Variants in PRDX4 observed in about 807,000 individuals in gnomAD.
The protein encoded by PRDX4 is peroxiredoxin 4, also known as peroxiredoxin-4.
In PRDX4, 12 loss-of-function variants were observed where a neutral mutation model predicts 20.5. The observed-to-expected ratio is 0.58, with a 90% CI of 0.37 to 0.95. PRDX4 has a LOEUF of 0.95. PRDX4 is among the 40% of genes least tolerant of loss of function. The probability of loss-of-function intolerance (pLI) is 0.01; values close to 1 mark genes in which losing one functional copy is unlikely to be tolerated. For synonymous variants in PRDX4, 99 were observed against 87.5 expected (o/e 1.13, Z -0.73); for missense variants, 180 against 207.3 (o/e 0.87, Z 0.81).
intron 4 of PRDX4, 146 bp downstream of exon 4, chrX:23,679,433 C>A: frequency 1.4e-6 from 1 of 707,625 alleles, no homozygotes; most frequent in Non-Finnish European, 2.0e-6. Context: ...GCCTGTAATC[C>A]TGGCACTTTG....
chrX:23,677,480 C>G, intron 3 of PRDX4, among the ~76,000 whole-genome samples: 1 of 111,740 alleles, frequency 8.9e-6, no homozygotes. Flanking sequence ...ATACCAAAAT[C>G]GGAAAAAATC....
chrX:23,686,384 C>T lies in PRDX4; in HGVS notation c.*49C>T, dbSNP rs184954482. ...GCTTGAAAGTTCTCAATAAAGTTCA[C>T]GGTTTCATTACCACATTGTGTTGCA... is the stretch of plus-strand genomic sequence containing the variant. On this transcript the variant is annotated 3_prime_UTR_variant, in exon 7 of 7. Transcript: ENST00000379341. The T allele has an allele frequency of 5.9e-5, 57 of 963,281 alleles. No individual in the cohort carries two copies. Among genetic ancestry groups the T allele is most frequent in the Non-Finnish European group, 7.5e-5 (52 of 694,982 alleles). 79.4% of individuals were successfully genotyped at this position (963,281 alleles called of 1,213,427 possible). A position where few individuals can be genotyped will look rare whatever the true frequency, so the allele number is the denominator to read the frequency against.
chrX:23,682,680 G>A (rs1480887205), intron 5 of PRDX4, among the ~76,000 whole-genome samples, 154 bp downstream of exon 5: 1 of 104,643 alleles, frequency 9.6e-6, no homozygotes, highest in Non-Finnish European at 2.0e-5. Flanking sequence ...ATAATTTACA[G>A]TGCTTTAACA....
rs754440904 is a variant in PRDX4 at position 23,679,555 on chromosome X, G to A, written c.599+268G>A. Among the ~76,000 whole-genome samples the A allele has an allele frequency of 6.8e-4, 75 of 109,628 alleles. 1 individual carries two copies. Among genetic ancestry groups the A allele is most frequent in the Non-Finnish European group, 1.0e-3 (53 of 52,618 alleles). On this transcript the variant is annotated intron_variant, in intron 4 of 6. Transcript: ENST00000379341. ...ATAAAAATTACCCAGGCATGGTGGCGTATGCCTGTAGTCCCAGCTACTCGG... is the reference window on the plus strand; with the variant it reads ...ATAAAAATTACCCAGGCATGGTGGCATATGCCTGTAGTCCCAGCTACTCGG...
chrX:23,686,265 T>A lies in PRDX4; in HGVS notation c.766-20T>A. ...TGGCTTTAAAATGAATAATTTCCTTTCTTCGTTTTGTTTTAACAGATAATC... is the reference window on the plus strand; with the variant it reads ...TGGCTTTAAAATGAATAATTTCCTTACTTCGTTTTGTTTTAACAGATAATC... On this transcript the variant is annotated intron_variant, in intron 6 of 6. Coordinates refer to ENST00000379341, the MANE Select transcript of PRDX4 (RefSeq NM_006406.2). The A allele has an allele frequency of 8.6e-7, 1 of 1,160,306 alleles. No homozygotes were observed. Among genetic ancestry groups the A allele is most frequent in the Non-Finnish European group, 1.2e-6 (1 of 864,345 alleles).
Position 23,684,540 on chromosome X carries a change from G to T in PRDX4, c.765+835G>T, listed in dbSNP as rs950973834. On this transcript the variant is annotated intron_variant, in intron 6 of 6. Transcript: ENST00000379341. ...TTTTGAGACGGAGTCTTGCTCTGTC[G>T]CCCAGACTGGAGTGCAGTGGCATGA... is the stretch of plus-strand genomic sequence containing the variant. 2.7e-5 allele frequency among the ~76,000 whole-genome samples: 3 copies of T among 109,735 alleles called. No homozygotes were observed. In the Admixed American group the frequency reaches 3.0e-4, roughly 11 times the overall value.
intron 1 of PRDX4, among the ~76,000 whole-genome samples, chrX:23,668,232 G>T (rs913396414): frequency 2.7e-5 from 3 of 112,602 alleles, no homozygotes; most frequent in African/African-American, 9.7e-5. Flanking sequence ...AAACAGAAAA[G>T]TTGCTAAACA....
intron 4 of PRDX4, among the ~76,000 whole-genome samples, chrX:23,680,897 G>C (rs1391281942): frequency 1.8e-5 from 2 of 109,944 alleles, no homozygotes; most frequent in African/African-American, 6.6e-5. Context: ...GGTAACAAGA[G>C]TGAGACCCTG....
chrX:23,680,584 A>G, intron 4 of PRDX4, among the ~76,000 whole-genome samples: 2 of 111,403 alleles, frequency 1.8e-5, no homozygotes, highest in Middle Eastern at 4.7e-3. Flanking sequence ...CATATAATAC[A>G]ATACCCATTT....
At chrX:23,683,605 G>T in intron 5 of PRDX4, 66 bp from the exon 6 acceptor site, 2 of 1,030,236 alleles carry the variant, frequency 1.9e-6, no homozygotes, top group African/African-American at 3.7e-5. Flanking sequence ...AACAGAAAAA[G>T]TCAGTTGCTG....
Position 23,683,537 on chromosome X carries a change from A to ATGTGC in PRDX4, c.731-132_731-128dup, listed in dbSNP as rs1201719911. On this transcript the variant is annotated intron_variant, in intron 5 of 6. Coordinates refer to ENST00000379341, the MANE Select transcript of PRDX4 (RefSeq NM_006406.2). ...TGTCAACAGGCAGCTAATAGAAGTC[A>ATGTGC]TGTGCTCGGTGGTCTGGAAATGTTC... 1.9e-5 allele frequency: 10 copies of ATGTGC among 525,553 alleles called. No individual in the cohort carries two copies. In the African/African-American group the frequency reaches 2.0e-4, roughly 10 times the overall value. 43.3% of individuals were successfully genotyped at this position (525,553 alleles called of 1,213,427 possible). A position where few individuals can be genotyped will look rare whatever the true frequency, so the allele number is the denominator to read the frequency against.
intron 1 of PRDX4, among the ~76,000 whole-genome samples, chrX:23,670,294 C>G (rs910020370): frequency 1.8e-5 from 2 of 111,783 alleles, no homozygotes; most frequent in African/African-American, 6.5e-5. Flanking sequence ...TAACCTCTCA[C>G]TTGAGTAGCA....
chrX:23,682,980 T>C (rs185253168), intron 5 of PRDX4, among the ~76,000 whole-genome samples: 236 of 105,802 alleles, frequency 2.2e-3, no homozygotes, highest in African/African-American at 7.6e-3. Flanking sequence ...ACTGCAATTT[T>C]TAAAATTATG....
intron 4 of PRDX4, 142 bp from the exon 5 acceptor site, chrX:23,682,254 T>TGTGA (rs1928085467): frequency 4.3e-6 from 1 of 235,066 alleles, no homozygotes; most frequent in African/African-American, 3.0e-5. Context: ...CGTGTGTGTG[T>TGTGA]GTGTGTGTGT....
chrX:23,675,436 G>C (rs1157704829), intron 3 of PRDX4: 3 of 250,651 alleles, frequency 1.2e-5, no homozygotes, highest in Non-Finnish European at 1.4e-5. Context: ...TAATCTGGAG[G>C]AAAAAAATCT....
chrX:23,681,248 T>G (rs1010337638), intron 4 of PRDX4, among the ~76,000 whole-genome samples: 5 of 111,287 alleles, frequency 4.5e-5, no homozygotes, highest in South Asian at 3.8e-4. Flanking sequence ...AATAAATAAA[T>G]AAAGAATACA....
At chrX:23,670,238 T>TA (rs970666504) in intron 1 of PRDX4, among the ~76,000 whole-genome samples, 3 of 112,013 alleles carry the variant, frequency 2.7e-5, no homozygotes, top group African/African-American at 9.7e-5. Context: ...CCCAGTATGC[T>TA]AAAATCATTA....
At chrX:23,669,633 A>G (rs1189585221) in intron 1 of PRDX4, among the ~76,000 whole-genome samples, 1 of 111,817 alleles carries the variant, frequency 8.9e-6, no homozygotes, top group Non-Finnish European at 1.9e-5. Flanking sequence ...AAAGAACGGA[A>G]AGGCCAGGTG....
chrX:23,682,526 G>T lies in PRDX4; in HGVS notation c.730G>T (p.Val244Phe). ...CCAGTACACTGACAAACACGGAGAA[G>T]GTACCTCTCCCTTCTAACCTTTTGA... ...AFQYTDKHGE[V>F]CPAGWKPGSE... Residue 244 changes from valine to phenylalanine, a missense_variant and splice_region_variant, in exon 5 of 7, where the codon GTC (valine) becomes TTC (phenylalanine). By Grantham distance (50) the Val-to-Phe change is conservative (BLOSUM62 -1). Around this residue, in one of 3 missense-constraint regions of PRDX4, gnomAD observed 73 missense variants for 76.5 expected, o/e 0.95. Coordinates refer to ENST00000379341, the MANE Select transcript of PRDX4 (RefSeq NM_006406.2). 8.7e-7 allele frequency: 1 copy of T among 1,151,910 alleles called. No homozygotes were observed. Among genetic ancestry groups the T allele is most frequent in the Non-Finnish European group, 1.2e-6 (1 of 861,805 alleles). The allele number at this position is 1,151,910 out of a possible 1,213,427, so 94.9% of individuals were successfully genotyped here.
Sources: gnomAD v4.1 joint callset for allele counts (sites outside exome capture counted in the v4.1 genomes callset) on GRCh38, gnomAD v4.1.1 for gene constraint, gnomAD v4.1.1 regional missense constraint, MANE v1.5 for transcripts, NCBI Gene and HGNC (gene_info 2026-07-23, HGNC 2026-07-21) for gene names.